SNX18: variants seen among roughly 807,000 people sequenced by gnomAD.
SNX18 encodes the protein sorting nexin-18.
In SNX18, 35 loss-of-function variants were observed where a neutral mutation model predicts 48.7. That is an observed-to-expected ratio of 0.72 (90% CI 0.55 to 0.95). The LOEUF is 0.95. Among genes scored for constraint, SNX18 ranks in the 40% least tolerant of loss-of-function variants. The pLI is 0.00. For synonymous variants in SNX18, 492 were observed against 384.7 expected (o/e 1.28, Z -3.26); for missense variants, 824 against 871.0 (o/e 0.95, Z 0.68).
the SNX18 span, among the ~76,000 whole-genome samples, chr5:54,638,769 T>G: frequency 6.6e-6 from 1 of 152,132 alleles, no homozygotes; most frequent in Non-Finnish European, 1.5e-5. Context: ...AAAACAAGCA[T>G]AGAGAGAGTT....
rs921884075 is a variant in SNX18 at position 54,517,905 on chromosome 5, C to G, written c.-48C>G. ...TACCGCGGGCCCCTCAGGTGGGCCT[C>G]GGCTCGGGACGCCGGGAGTCGGGAC... is the stretch of plus-strand genomic sequence containing the variant. On this transcript the variant is annotated 5_prime_UTR_variant, in exon 1 of 2. Transcript: ENST00000381410. 6.9e-7 allele frequency: 1 copy of G among 1,459,056 alleles called. No individual in the cohort carries two copies. Among genetic ancestry groups the G allele is most frequent in the Admixed American group, 2.5e-5 (1 of 39,236 alleles). 90.4% of individuals were successfully genotyped at this position (1,459,056 alleles called of 1,614,324 possible). A position where few individuals can be genotyped will look rare whatever the true frequency, so the allele number is the denominator to read the frequency against.
At position 54,517,929 on chromosome 5, in the gene SNX18, A is replaced by G; in HGVS notation, c.-24A>G. The G allele has an allele frequency of 6.7e-7, 1 of 1,491,070 alleles. No homozygotes were observed. Among genetic ancestry groups the G allele is most frequent in the Non-Finnish European group, 8.9e-7 (1 of 1,124,784 alleles). The allele number at this position is 1,491,070 out of a possible 1,614,324, so 92.4% of individuals were successfully genotyped here. ...TCGGCTCGGGACGCCGGGAGTCGGG[A>G]CCGCCAGTCGGGGCGCCGGGACCAT... is the stretch of plus-strand genomic sequence containing the variant. On this transcript the variant is annotated 5_prime_UTR_variant, in exon 1 of 2. Coordinates refer to ENST00000381410, the MANE Select transcript of SNX18 (RefSeq NM_001102575.2).
At chr5:54,615,296 C>G in the SNX18 span, among the ~76,000 whole-genome samples, 1 of 152,078 alleles carries the variant, frequency 6.6e-6, no homozygotes, top group South Asian at 2.1e-4. Context: ...AGCTACAATT[C>G]TAGCCTGTCT....
Position 54,519,341 on chromosome 5 carries a change from G to A in SNX18, c.1389G>A (p.Glu463=), listed in dbSNP as rs1761961974. The change falls in exon 1 of 2, where the codon GAG becomes GAA. Residue 463 remains glutamate (E), a synonymous_variant. Coordinates refer to ENST00000381410, the MANE Select transcript of SNX18 (RefSeq NM_001102575.2). ...ARKQVTGFKK[E]YQKVGQSFRG... ...AGCAGGTGACCGGCTTCAAAAAGGA[G>A]TATCAGAAGGTGGGCCAGTCCTTCC... 3.7e-6 allele frequency: 6 copies of A among 1,613,378 alleles called. No homozygotes were observed. The highest frequency in any genetic ancestry group is 1.3e-5 in the African/African-American group (1 of 74,910).
chr5:54,586,617 A>C, the SNX18 span, among the ~76,000 whole-genome samples: 1 of 152,244 alleles, frequency 6.6e-6, no homozygotes, highest in Non-Finnish European at 1.5e-5. Context: ...CACTTCTGTG[A>C]TAACTAACCC....
chr5:54,607,104 T>C, the SNX18 span, among the ~76,000 whole-genome samples: 17 of 152,118 alleles, frequency 1.1e-4, no homozygotes, highest in African/African-American at 3.9e-4. Flanking sequence ...GTGTGGTTCC[T>C]GGGTAATAAT....
the SNX18 span, among the ~76,000 whole-genome samples, chr5:54,646,642 A>C: frequency 6.6e-6 from 1 of 152,270 alleles, no homozygotes; most frequent in Non-Finnish European, 1.5e-5. Flanking sequence ...CAATCCCAGC[A>C]GAAAATGATG....
chr5:54,588,360 C>T, the SNX18 span, among the ~76,000 whole-genome samples: 1 of 100,306 alleles, frequency 1.0e-5, no homozygotes, highest in African/African-American at 3.8e-5. Flanking sequence ...CGGAGTCTCT[C>T]ACTTTCACCC....
the SNX18 span, among the ~76,000 whole-genome samples, chr5:54,603,740 T>A: frequency 6.6e-6 from 1 of 152,206 alleles, no homozygotes; most frequent in Non-Finnish European, 1.5e-5. Flanking sequence ...AAAAACGTCC[T>A]CCATTCTTAC....
At chr5:54,595,778 G>A in the SNX18 span, among the ~76,000 whole-genome samples, 49,733 of 152,088 alleles carry the variant, frequency 0.33, 9,608 homozygotes, top group Non-Finnish European at 0.42. Context: ...CAATTTTGGA[G>A]GCCAAAAGTC....
At chr5:54,590,764 C>T in the SNX18 span, among the ~76,000 whole-genome samples, 5 of 152,302 alleles carry the variant, frequency 3.3e-5, no homozygotes, top group African/African-American at 7.2e-5. Flanking sequence ...TCCCCTGCTT[C>T]GGCATCCTGT....
the SNX18 span, among the ~76,000 whole-genome samples, chr5:54,617,303 T>C: frequency 1.3e-5 from 2 of 152,222 alleles, no homozygotes; most frequent in African/African-American, 4.8e-5. Flanking sequence ...AACAGAATAT[T>C]GAGTGCAAAT....
chr5:54,624,627 A>G, the SNX18 span, among the ~76,000 whole-genome samples: 2 of 152,208 alleles, frequency 1.3e-5, no homozygotes, highest in Non-Finnish European at 2.9e-5. Context: ...TCAAAATTGA[A>G]CTGCACATTC....
the SNX18 span, among the ~76,000 whole-genome samples, chr5:54,586,742 T>C: frequency 6.6e-6 from 1 of 152,170 alleles, no homozygotes; most frequent in East Asian, 1.9e-4. Context: ...ACATGAGTTT[T>C]AGAGGAGACA....
the SNX18 span, among the ~76,000 whole-genome samples, chr5:54,555,538 T>A: frequency 6.6e-6 from 1 of 152,040 alleles, no homozygotes; most frequent in Non-Finnish European, 1.5e-5. Context: ...AGATTTACTG[T>A]AAGAATGAAA....
At chr5:54,546,910 A>G (rs1271897483), downstream of SNX18, among the ~76,000 whole-genome samples, 1 of 152,250 alleles carries the variant, frequency 6.6e-6, no homozygotes, top group Non-Finnish European at 1.5e-5. Context: ...AGTACTTGAC[A>G]TACTGTCTGT....
the SNX18 span, among the ~76,000 whole-genome samples, chr5:54,610,513 C>T: frequency 9.8e-5 from 15 of 152,302 alleles, no homozygotes; most frequent in South Asian, 2.1e-4. Context: ...CAGAGTTTTC[C>T]GCTCAGCCAA....
At chr5:54,637,640 G>A in the SNX18 span, among the ~76,000 whole-genome samples, 1 of 152,314 alleles carries the variant, frequency 6.6e-6, no homozygotes, top group Admixed American at 6.5e-5. Context: ...AGAGTGGTGT[G>A]AGGGTCAAAA....
At chr5:54,525,029 G>A (rs148124245) in intron 1 of SNX18, among the ~76,000 whole-genome samples, 3 of 152,244 alleles carry the variant, frequency 2.0e-5, no homozygotes, top group Non-Finnish European at 2.9e-5. Flanking sequence ...GAGCCTCATC[G>A]CAGTGGGAGC....
Sources: gnomAD v4.1 joint callset for allele counts (sites outside exome capture counted in the v4.1 genomes callset) on GRCh38, gnomAD v4.1.1 for gene constraint, MANE v1.5 for transcripts, NCBI Gene and HGNC (gene_info 2026-07-23, HGNC 2026-07-21) for gene names.